The following KIAA1549L variants were observed in gnomAD, a reference collection of about 807,000 sequenced individuals.
KIAA1549L encodes the protein UPF0606 protein KIAA1549L.
Under a neutral mutation model 160.7 loss-of-function variants are expected in KIAA1549L, and 88 were observed. The observed-to-expected ratio is 0.55, with a 90% CI of 0.46 to 0.65. The LOEUF (loss-of-function observed/expected upper bound fraction) is 0.65, where lower values mean the gene tolerates loss of function less well. KIAA1549L is among the 30% of genes least tolerant of loss of function. The pLI, the probability that KIAA1549L is intolerant of heterozygous loss-of-function variation, is 0.00. For synonymous variants in KIAA1549L, 950 were observed against 976.7 expected (o/e 0.97, Z 0.51); for missense variants, 2,258 against 2,437.5 (o/e 0.93, Z 1.55).
At chr11:33,658,682 A>G in intron 18 of KIAA1549L, 68 bp from the exon 19 acceptor site, 1 of 1,509,612 alleles carries the variant, frequency 6.6e-7, no homozygotes, top group Non-Finnish European at 9.0e-7. Context: ...GACGGGGCGC[A>G]CTCCTCCTGC....
intron 1 of KIAA1549L, among the ~76,000 whole-genome samples, chr11:33,434,086 CA>C (rs973251608): frequency 3.7e-4 from 50 of 135,840 alleles, no homozygotes; most frequent in Non-Finnish European, 4.9e-4. Flanking sequence ...CCCCCGCCAC[CA>C]AAAAAAAAAG....
intron 1 of KIAA1549L, among the ~76,000 whole-genome samples, chr11:33,416,108 G>C (rs1031349472): frequency 2.0e-5 from 3 of 152,050 alleles, no homozygotes; most frequent in Admixed American, 6.5e-5. Context: ...GACACCATAG[G>C]GGGAGGACTG....
chr11:33,570,972 G>A (rs964503103), intron 9 of KIAA1549L, among the ~76,000 whole-genome samples: 7 of 152,076 alleles, frequency 4.6e-5, no homozygotes, highest in African/African-American at 1.7e-4. Flanking sequence ...ACTCTTAGAT[G>A]ATCACAAACT....
chr11:33,572,654 T>A lies in KIAA1549L; in HGVS notation c.4231-2048T>A, dbSNP rs528419363. Among the ~76,000 whole-genome samples the A allele has an allele frequency of 1.2e-4, 19 of 152,378 alleles. No homozygotes were observed. The South Asian group carries it at 3.9e-3, about 32-fold the overall frequency. On this transcript the variant is annotated intron_variant, in intron 9 of 20. Transcript: ENST00000658780. ...TCAGTAGTTTATTCAATTTTTTTGC[T>A]GAATAATATTCTCTTATATGAATAT... is the stretch of plus-strand genomic sequence containing the variant.
intron 1 of KIAA1549L, among the ~76,000 whole-genome samples, chr11:33,475,720 C>T (rs912656507): frequency 8.6e-5 from 13 of 150,528 alleles, no homozygotes; most frequent in African/African-American, 2.5e-4. Context: ...ATTAGCTAGA[C>T]GTGGTGCACA....
chr11:33,654,082 C>G (rs547534754), intron 17 of KIAA1549L, among the ~76,000 whole-genome samples: 27 of 152,256 alleles, frequency 1.8e-4, no homozygotes, highest in African/African-American at 6.0e-4. Flanking sequence ...AAGCAATTCT[C>G]CTGCCTCAGC....
intron 1 of KIAA1549L, among the ~76,000 whole-genome samples, chr11:33,498,510 T>A (rs1852871777): frequency 6.6e-6 from 1 of 152,198 alleles, no homozygotes; most frequent in Non-Finnish European, 1.5e-5. Context: ...GATAGCTACA[T>A]GGTTCCACTA....
intron 13 of KIAA1549L, among the ~76,000 whole-genome samples, chr11:33,605,930 C>G (rs983763628): frequency 5.9e-5 from 9 of 152,192 alleles, no homozygotes; most frequent in Admixed American, 5.9e-4. Context: ...AGACTGGTGT[C>G]TTTTAGCAAT....
At chr11:33,405,217 G>A (rs1325585657) in intron 1 of KIAA1549L, among the ~76,000 whole-genome samples, 1 of 152,070 alleles carries the variant, frequency 6.6e-6, no homozygotes, top group African/African-American at 2.4e-5. Flanking sequence ...ATCCAGAAAA[G>A]GGGAGTGAGA....
intron 16 of KIAA1549L, among the ~76,000 whole-genome samples, chr11:33,620,995 C>G (rs1850945297): frequency 6.6e-6 from 1 of 152,172 alleles, no homozygotes; most frequent in Non-Finnish European, 1.5e-5. Flanking sequence ...TGTCATTCTT[C>G]CCACTGGGTC....
intron 20 of KIAA1549L, among the ~76,000 whole-genome samples, chr11:33,666,596 G>T (rs577496100): frequency 1.3e-5 from 2 of 152,240 alleles, no homozygotes; most frequent in South Asian, 2.1e-4. Context: ...CAGCATCCCT[G>T]TATGTGCCAC....
At chr11:33,481,160 G>C (rs1565153734) in intron 1 of KIAA1549L, among the ~76,000 whole-genome samples, 1 of 152,176 alleles carries the variant, frequency 6.6e-6, no homozygotes, top group South Asian at 2.1e-4. Context: ...CCCACTTAAT[G>C]AATAGCATCT....
chr11:33,634,684 G>A (rs1851392214), intron 16 of KIAA1549L, among the ~76,000 whole-genome samples: 1 of 152,160 alleles, frequency 6.6e-6, no homozygotes, highest in Admixed American at 6.5e-5. Context: ...TGAGAGCATT[G>A]GAGCACCTTC....
chr11:33,555,168 AAGAC>A (rs1854606537), intron 6 of KIAA1549L, among the ~76,000 whole-genome samples: 1 of 137,132 alleles, frequency 7.3e-6, no homozygotes, highest in South Asian at 2.3e-4. Context: ...TATATTAAAG[AAGAC>A]AAATAAATGG....
chr11:33,583,008 T>G (rs918473729), intron 10 of KIAA1549L, among the ~76,000 whole-genome samples: 5 of 152,210 alleles, frequency 3.3e-5, no homozygotes, highest in Non-Finnish European at 5.9e-5. Flanking sequence ...ATGTCACCCC[T>G]GGGGAAAATT....
intron 16 of KIAA1549L, among the ~76,000 whole-genome samples, chr11:33,620,958 A>G (rs1850943973): frequency 6.6e-6 from 1 of 152,218 alleles, no homozygotes; most frequent in South Asian, 2.1e-4. Context: ...TTAGCACAGC[A>G]GTGAGCCGGT....
chr11:33,578,847 T>C (rs2133257693), intron 10 of KIAA1549L, among the ~76,000 whole-genome samples: 1 of 152,326 alleles, frequency 6.6e-6, no homozygotes, highest in Admixed American at 6.5e-5. Flanking sequence ...CCTCCTCACA[T>C]TGGGCCATAA....
intron 1 of KIAA1549L, among the ~76,000 whole-genome samples, chr11:33,523,415 A>G (rs1590308978): frequency 6.6e-6 from 1 of 152,162 alleles, no homozygotes; most frequent in Non-Finnish European, 1.5e-5. Context: ...TTCCCCCCTC[A>G]TATCTATTTA....
intron 1 of KIAA1549L, among the ~76,000 whole-genome samples, chr11:33,485,421 A>T (rs545765116): frequency 6.6e-6 from 1 of 152,330 alleles, no homozygotes; most frequent in East Asian, 1.9e-4. Flanking sequence ...GTCAATGTGT[A>T]CCTTATTTAA....
Sources: gnomAD v4.1 joint callset for allele counts (sites outside exome capture counted in the v4.1 genomes callset) on GRCh38, gnomAD v4.1.1 for gene constraint, MANE v1.5 for transcripts, NCBI Gene and HGNC (gene_info 2026-07-23, HGNC 2026-07-21) for gene names.